Variants in TMEM117 observed in about 807,000 individuals in gnomAD.
The protein encoded by TMEM117 is transmembrane protein 117.
TMEM117 carries 27 observed loss-of-function variants against 52.4 expected under a neutral mutation model. That is an observed-to-expected ratio of 0.51 (90% CI 0.38 to 0.71). TMEM117 has a LOEUF of 0.71. Ranked by LOEUF, TMEM117 falls within the 30% of genes least tolerant of loss-of-function variation. The pLI, the probability that TMEM117 is intolerant of heterozygous loss-of-function variation, is 0.00. For missense variants in TMEM117, 556 were observed against 630.5 expected (o/e 0.88, Z 1.26); for synonymous variants, 215 against 206.3 (o/e 1.04, Z -0.36).
At chr12:44,249,195 T>C (rs1040859682) in intron 5 of TMEM117, among the ~76,000 whole-genome samples, 6 of 151,592 alleles carry the variant, frequency 4.0e-5, no homozygotes, top group African/African-American at 1.5e-4. Flanking sequence ...GTTTTGTGTG[T>C]GTGTGTGTGT....
intron 6 of TMEM117, among the ~76,000 whole-genome samples, chr12:44,330,167 A>T (rs376584072): frequency 1.3e-5 from 2 of 151,724 alleles, no homozygotes; most frequent in Non-Finnish European, 2.9e-5. Flanking sequence ...TATTTTCTGG[A>T]TTTTTCTGGA....
chr12:44,023,827 G>A (rs534177997), intron 3 of TMEM117, among the ~76,000 whole-genome samples: 2 of 123,678 alleles, frequency 1.6e-5, no homozygotes, highest in Non-Finnish European at 3.4e-5. Flanking sequence ...GTGGGGGGAG[G>A]GGGGAGGGAT....
rs557685529 is a variant in TMEM117, at chr12:44,164,208, C to A, written c.510+20584C>A. 1.5e-3 allele frequency among the ~76,000 whole-genome samples: 235 copies of A among 152,168 alleles called. 3 individuals carry two copies. The highest frequency in any genetic ancestry group is 5.3e-3 in the African/African-American group (220 of 41,548). On this transcript the variant is annotated intron_variant, in intron 4 of 7. Transcript: ENST00000266534. ...TTTTCTTCAATGAATTTATTAATAT[C>A]TTATTTTAAATTTATTTAAATAGTT...
downstream of TMEM117, among the ~76,000 whole-genome samples, chr12:44,392,665 C>A: frequency 7.2e-6 from 1 of 138,540 alleles, no homozygotes; most frequent in African/African-American, 2.6e-5. Context: ...TAATGCTATC[C>A]CTCCCCCCTC....
At chr12:43,803,331 T>C in the TMEM117 span, among the ~76,000 whole-genome samples, 1 of 152,108 alleles carries the variant, frequency 6.6e-6, no homozygotes, top group African/African-American at 2.4e-5. Flanking sequence ...CCAATTGTAG[T>C]TGCCCCAGGG....
intron 3 of TMEM117, among the ~76,000 whole-genome samples, chr12:43,952,142 GC>G (rs989349001): frequency 2.0e-5 from 3 of 152,152 alleles, no homozygotes; most frequent in Admixed American, 1.3e-4. Flanking sequence ...AAGGTCATCA[GC>G]CTCAAAGATC....
intron 2 of TMEM117, among the ~76,000 whole-genome samples, chr12:43,867,653 G>A (rs755770246): frequency 3.3e-5 from 5 of 150,644 alleles, no homozygotes; most frequent in Non-Finnish European, 5.9e-5. Context: ...CCTGTAAACA[G>A]TTAACAAAAG....
At chr12:44,294,536 A>T (rs1388092939) in intron 5 of TMEM117, among the ~76,000 whole-genome samples, 1 of 152,094 alleles carries the variant, frequency 6.6e-6, no homozygotes, top group African/African-American at 2.4e-5. Context: ...CTTACCATGG[A>T]TCTTGGGAAA....
intron 5 of TMEM117, among the ~76,000 whole-genome samples, chr12:44,221,921 A>G (rs911039386): frequency 6.6e-6 from 1 of 151,526 alleles, no homozygotes; most frequent in African/African-American, 2.4e-5. Context: ...CTGGTCTCGA[A>G]CTCCTGACCT....
At chr12:44,206,955 C>A (rs1949576064) in intron 4 of TMEM117, among the ~76,000 whole-genome samples, 1 of 152,044 alleles carries the variant, frequency 6.6e-6, no homozygotes, top group African/African-American at 2.4e-5. Context: ...ACATGTACTC[C>A]CTGAACTGAA....
chr12:43,906,330 G>A (rs1011807570), intron 2 of TMEM117, among the ~76,000 whole-genome samples: 2 of 152,124 alleles, frequency 1.3e-5, no homozygotes, highest in African/African-American at 4.8e-5. Flanking sequence ...GGGCATGGTG[G>A]TGCATGCCTG....
At chr12:43,976,001 T>C (rs949413722) in intron 3 of TMEM117, among the ~76,000 whole-genome samples, 1 of 152,138 alleles carries the variant, frequency 6.6e-6, no homozygotes, top group African/African-American at 2.4e-5. Context: ...GAGAAGTAGC[T>C]AAAGGAATCA....
chr12:44,107,555 CAT>C (rs1180961183), intron 3 of TMEM117, among the ~76,000 whole-genome samples: 2 of 151,948 alleles, frequency 1.3e-5, no homozygotes, highest in African/African-American at 2.4e-5. Context: ...AGATAGGAAA[CAT>C]ATAATTTTAA....
At chr12:43,992,241 G>A (rs185899818) in intron 3 of TMEM117, among the ~76,000 whole-genome samples, 3 of 151,692 alleles carry the variant, frequency 2.0e-5, no homozygotes, top group South Asian at 2.1e-4. Context: ...ATGTACTTCC[G>A]AATTAGTTTA....
chr12:43,865,034 G>C (rs2137408869), intron 2 of TMEM117, among the ~76,000 whole-genome samples: 1 of 152,112 alleles, frequency 6.6e-6, no homozygotes, highest in South Asian at 2.1e-4. Context: ...CTGAGGCAGC[G>C]AGACTACGAA....
intron 3 of TMEM117, among the ~76,000 whole-genome samples, chr12:43,985,192 C>A (rs188741854): frequency 1.3e-4 from 20 of 151,844 alleles, no homozygotes; most frequent in Non-Finnish European, 2.4e-4. Context: ...TTTTTAAAGC[C>A]GTTATCTTCT....
intron 5 of TMEM117, chr12:44,263,557 G>T (rs1950344834): frequency 6.6e-6 from 1 of 152,174 alleles, no homozygotes; most frequent in Non-Finnish European, 1.5e-5. Context: ...ATTTATTGCA[G>T]CACTATTCAC....
At chr12:43,951,004 C>T (rs1013158050) in intron 3 of TMEM117, among the ~76,000 whole-genome samples, 1 of 152,126 alleles carries the variant, frequency 6.6e-6, no homozygotes, top group African/African-American at 2.4e-5. Flanking sequence ...GGAGAGTGAG[C>T]AGAAGCAGGG....
At chr12:43,942,996 G>A (rs1046724290) in intron 2 of TMEM117, among the ~76,000 whole-genome samples, 10 of 151,522 alleles carry the variant, frequency 6.6e-5, no homozygotes, top group African/African-American at 2.2e-4. Flanking sequence ...GGCCAACACG[G>A]TGAAACCCCG....
Sources: allele counts gnomAD v4.1 joint callset (sites outside exome capture counted in the v4.1 genomes callset), GRCh38; gene constraint gnomAD v4.1.1; transcripts MANE v1.5; gene names NCBI Gene and HGNC (gene_info 2026-07-23, HGNC 2026-07-21).